Variants in FRMPD4 observed in about 807,000 individuals in gnomAD.
FRMPD4 encodes the protein FERM and PDZ domain containing 4, also known as FERM and PDZ domain-containing protein 4.
FRMPD4 carries 22 observed loss-of-function variants against 94.1 expected under a neutral mutation model. The observed-to-expected ratio is 0.23, with a 90% CI of 0.17 to 0.33. The LOEUF is 0.33. FRMPD4 is among the 10% of genes least tolerant of loss of function. The probability of loss-of-function intolerance (pLI) is 1.00; values close to 1 mark genes in which losing one functional copy is unlikely to be tolerated. For synonymous variants in FRMPD4, 631 were observed against 548.6 expected (o/e 1.15, Z -2.10); for missense variants, 1,111 against 1,339.9 (o/e 0.83, Z 2.67).
At chrX:12,471,699 G>A (rs112482927) in intron 1 of FRMPD4, among the ~76,000 whole-genome samples, 3,505 of 111,818 alleles carry the variant, frequency 0.031, 145 homozygotes, top group African/African-American at 0.11. Flanking sequence ...GATGCTCACT[G>A]TTGTACTTTC....
chrX:12,136,926 T>C (rs77246428), upstream of FRMPD4, among the ~76,000 whole-genome samples: 9,987 of 91,511 alleles, frequency 0.11, 457 homozygotes, highest in South Asian at 0.34. Flanking sequence ...CACACACACA[T>C]ACACACACAC....
chrX:12,716,163 C>G lies in FRMPD4; in HGVS notation c.1704C>G (p.Ala568=). The change falls in exon 15 of 17, where the codon GCC becomes GCG. Residue 568 remains alanine (A), a synonymous_variant. Coordinates refer to ENST00000675598, the MANE Select transcript of FRMPD4 (RefSeq NM_001368397.1). ...TTATTGGCGAAGGGGAACAAGAAGCCCAGATAACATACATAGATTCAAAGC... is the reference window on the plus strand; with the variant it reads ...TTATTGGCGAAGGGGAACAAGAAGCGCAGATAACATACATAGATTCAAAGC... The part of the protein sequence containing the change: ...TTFIGEGEQE[A]QITYIDSKQK... 8.3e-7 allele frequency: 1 copy of G among 1,205,881 alleles called. No homozygotes were observed.
At chrX:12,062,667 G>A (rs2054893895) in intron 3 of FRMPD4, among the ~76,000 whole-genome samples, 1 of 111,155 alleles carries the variant, frequency 9.0e-6, no homozygotes, top group African/African-American at 3.3e-5. Context: ...ATAGATAAAT[G>A]TGTGGAGCAG....
chrX:11,890,796 G>A (rs1424261787), intron 3 of FRMPD4, among the ~76,000 whole-genome samples: 4 of 112,497 alleles, frequency 3.6e-5, no homozygotes, highest in African/African-American at 6.5e-5. Flanking sequence ...ATATGGCAGC[G>A]GTGAAGGAGT....
At chrX:11,870,477 C>T (rs1031909691) in intron 2 of FRMPD4, among the ~76,000 whole-genome samples, 2 of 111,535 alleles carry the variant, frequency 1.8e-5, no homozygotes, top group Admixed American at 9.5e-5. Context: ...AGTGACATGG[C>T]GCTAGGGCAG....
intron 1 of FRMPD4, among the ~76,000 whole-genome samples, chrX:12,368,992 GTCC>G (rs2056124573): frequency 1.8e-5 from 2 of 111,250 alleles, no homozygotes; most frequent in Non-Finnish European, 3.8e-5. Context: ...GTTTCTGCCT[GTCC>G]TCCTTTCCTT....
chrX:12,615,862 T>C (rs1299992943), intron 4 of FRMPD4, among the ~76,000 whole-genome samples: 1 of 110,758 alleles, frequency 9.0e-6, no homozygotes, highest in African/African-American at 3.3e-5. Context: ...CATCTGTACT[T>C]TGGGAAAGGC....
At chrX:11,896,957 C>G (rs189477557) in intron 3 of FRMPD4, among the ~76,000 whole-genome samples, 1 of 111,415 alleles carries the variant, frequency 9.0e-6, no homozygotes, top group East Asian at 2.8e-4. Context: ...GTCTCCAGAA[C>G]AGACCACACT....
chrX:11,980,819 G>A (rs766721135), intron 3 of FRMPD4, among the ~76,000 whole-genome samples: 2 of 110,959 alleles, frequency 1.8e-5, no homozygotes, highest in Admixed American at 9.5e-5. Flanking sequence ...TGGTTTCTTT[G>A]ACATATTGCT....
At chrX:12,337,021 G>T (rs746707237) in intron 1 of FRMPD4, among the ~76,000 whole-genome samples, 1 of 111,332 alleles carries the variant, frequency 9.0e-6, no homozygotes, top group African/African-American at 3.3e-5. Context: ...GTGTTAGGAG[G>T]AAGTAAGTGG....
intron 3 of FRMPD4, among the ~76,000 whole-genome samples, chrX:12,116,655 G>A (rs1003098004): frequency 2.6e-4 from 29 of 111,688 alleles, no homozygotes; most frequent in Non-Finnish European, 3.8e-4. Context: ...GTGATGGAGC[G>A]TAATTTTCTC....
intron 1 of FRMPD4, among the ~76,000 whole-genome samples, chrX:12,344,725 G>A (rs2055673395): frequency 8.9e-6 from 1 of 112,191 alleles, no homozygotes; most frequent in South Asian, 3.7e-4. Flanking sequence ...CTTTGCAGAC[G>A]AGTTGTGTTG....
At chrX:12,479,446 G>GTATATATGTATATATATGTATATA (rs2057651310) in intron 1 of FRMPD4, among the ~76,000 whole-genome samples, 1 of 35,765 alleles carries the variant, frequency 2.8e-5, no homozygotes, top group Non-Finnish European at 5.8e-5. Context: ...ACACATATAT[G>GTATATATGTATATATATGTATATA]TATATATATG....
chrX:12,133,632 C>T (rs2055572105), upstream of FRMPD4, among the ~76,000 whole-genome samples: 1 of 111,188 alleles, frequency 9.0e-6, no homozygotes, highest in Non-Finnish European at 1.9e-5. Flanking sequence ...ATGAGTTTTC[C>T]CTTATTCCTC....
chrX:12,546,398 G>C (rs776639535), intron 2 of FRMPD4, among the ~76,000 whole-genome samples: 1 of 111,657 alleles, frequency 9.0e-6, no homozygotes, highest in South Asian at 3.8e-4. Context: ...GGCTGGTCTT[G>C]AACTCCTCAC....
chrX:12,692,432 G>T (rs1238300324), intron 8 of FRMPD4, among the ~76,000 whole-genome samples: 1 of 112,102 alleles, frequency 8.9e-6, no homozygotes, highest in Non-Finnish European at 1.9e-5. Flanking sequence ...TGGAGAGTAA[G>T]AAATTATATT....
At chrX:11,913,852 TTGAG>T (rs1261448702) in intron 3 of FRMPD4, among the ~76,000 whole-genome samples, 1 of 111,972 alleles carries the variant, frequency 8.9e-6, no homozygotes, top group African/African-American at 3.2e-5. Context: ...GTGAAGATAA[TTGAG>T]TGAGCGAGCA....
At chrX:12,645,635 G>A (rs1315595590) in intron 4 of FRMPD4, among the ~76,000 whole-genome samples, 3 of 110,395 alleles carry the variant, frequency 2.7e-5, no homozygotes, top group East Asian at 2.8e-4. Context: ...GATTACAGGC[G>A]TGAGCCACCG....
Position 12,671,981 on chromosome X carries a change from A to T in FRMPD4, c.423-2882A>T, listed in dbSNP as rs757389812. Among the ~76,000 whole-genome samples the T allele has an allele frequency of 1.6e-3, 179 of 111,916 alleles. 1 individual carries two copies. Among genetic ancestry groups the T allele is most frequent in the Non-Finnish European group, 2.8e-3 (151 of 53,165 alleles). On this transcript the variant is annotated intron_variant, in intron 4 of 16. Transcript: ENST00000675598. ...AATTAACACTTGATTGTCATGTAAT[A>T]GTCAAAACTTCCAACTCCACAAAAT...
Sources: allele counts gnomAD v4.1 joint callset (sites outside exome capture counted in the v4.1 genomes callset), GRCh38; gene constraint gnomAD v4.1.1; transcripts MANE v1.5; gene names NCBI Gene and HGNC (gene_info 2026-07-23, HGNC 2026-07-21).